Variants in GPC5 observed in about 807,000 individuals in gnomAD.
GPC5 encodes glypican 5.
In GPC5, 47 loss-of-function variants were observed where a neutral mutation model predicts 53.9. The ratio of observed to expected loss-of-function variants is 0.87; its 90% CI spans 0.69 to 1.11. The LOEUF (loss-of-function observed/expected upper bound fraction) is 1.11, where lower values mean the gene tolerates loss of function less well. Ranked by LOEUF, GPC5 falls within the 50% of genes most tolerant of loss-of-function variation. The pLI is 0.00. For synonymous variants in GPC5, 286 were observed against 263.3 expected (o/e 1.09, Z -0.84); for missense variants, 748 against 713.1 (o/e 1.05, Z -0.56).
intron 7 of GPC5, among the ~76,000 whole-genome samples, chr13:92,840,207 C>T (rs571545986): frequency 4.7e-5 from 7 of 150,054 alleles, no homozygotes; most frequent in South Asian, 4.2e-4. Context: ...TTGTAGGAGG[C>T]GACAGGATTC....
intron 7 of GPC5, among the ~76,000 whole-genome samples, chr13:92,782,898 T>C (rs1325052914): frequency 2.0e-5 from 3 of 152,170 alleles, no homozygotes; most frequent in Non-Finnish European, 2.9e-5. Flanking sequence ...CATATAGCTA[T>C]GGTTTCATTT....
intron 6 of GPC5, among the ~76,000 whole-genome samples, chr13:92,031,696 A>C (rs1252454423): frequency 1.0e-5 from 1 of 95,828 alleles, no homozygotes; most frequent in Non-Finnish European, 2.0e-5. Flanking sequence ...TAGTATATAT[A>C]ATATATTATA....
At chr13:92,265,615 C>G (rs539794570) in intron 7 of GPC5, among the ~76,000 whole-genome samples, 1 of 152,164 alleles carries the variant, frequency 6.6e-6, no homozygotes. Context: ...TCTGAACTCT[C>G]ACCAGAATCC....
chr13:92,659,756 G>C (rs1382505967), intron 7 of GPC5, among the ~76,000 whole-genome samples: 2 of 152,116 alleles, frequency 1.3e-5, no homozygotes, highest in Non-Finnish European at 2.9e-5. Flanking sequence ...CTTCTCAGAG[G>C]GTATGTAAGA....
At chr13:92,463,247 C>T (rs1878564558) in intron 7 of GPC5, among the ~76,000 whole-genome samples, 1 of 152,208 alleles carries the variant, frequency 6.6e-6, no homozygotes, top group South Asian at 2.1e-4. Flanking sequence ...GAAGGTGTTA[C>T]ATTTTCTTCT....
chr13:92,222,587 A>T (rs144121916), intron 7 of GPC5, among the ~76,000 whole-genome samples: 1 of 152,244 alleles, frequency 6.6e-6, no homozygotes, highest in East Asian at 1.9e-4. Context: ...TTTTCTTGCC[A>T]TCCTTAAGAT....
intron 7 of GPC5, among the ~76,000 whole-genome samples, chr13:92,263,253 G>C (rs1440039857): frequency 1.3e-5 from 2 of 152,116 alleles, no homozygotes; most frequent in African/African-American, 4.8e-5. Context: ...GTGAATAAAA[G>C]TTGTCACTTG....
chr13:91,475,284 A>T (rs1882864807), intron 2 of GPC5, among the ~76,000 whole-genome samples: 1 of 152,166 alleles, frequency 6.6e-6, no homozygotes, highest in Non-Finnish European at 1.5e-5. Flanking sequence ...AAATATATAC[A>T]CTTGAACACA....
chr13:91,789,152 G>A (rs1388190286), intron 5 of GPC5, among the ~76,000 whole-genome samples: 48 of 152,206 alleles, frequency 3.2e-4, no homozygotes, highest in African/African-American at 4.8e-5. Context: ...GGTGGAGGTT[G>A]CAGTGAGCCA....
At chr13:92,230,975 A>G (rs7336644) in intron 7 of GPC5, among the ~76,000 whole-genome samples, 35,467 of 152,162 alleles carry the variant, frequency 0.23, 4,374 homozygotes, top group African/African-American at 0.31. Context: ...GATAAATGCA[A>G]AGGCAGCAAG....
chr13:91,917,308 C>T (rs1198277786), intron 6 of GPC5, among the ~76,000 whole-genome samples: 2 of 152,226 alleles, frequency 1.3e-5, no homozygotes, highest in African/African-American at 4.8e-5. Context: ...CTATGTCTCA[C>T]ATCCAGGTCA....
At chr13:92,421,702 A>AAAAAAAT (rs1876577257) in intron 7 of GPC5, among the ~76,000 whole-genome samples, 1 of 149,394 alleles carries the variant, frequency 6.7e-6, no homozygotes, top group African/African-American at 2.5e-5. Context: ...CCGTCTCAAA[A>AAAAAAAT]AAAAAAAAAA....
chr13:91,485,011 T>C (rs1322086825), intron 2 of GPC5, among the ~76,000 whole-genome samples: 1 of 152,202 alleles, frequency 6.6e-6, no homozygotes, highest in African/African-American at 2.4e-5. Flanking sequence ...GAGAGCTTGT[T>C]AGAAATGCAG....
chr13:92,427,298 A>G (rs1181017823), intron 7 of GPC5, among the ~76,000 whole-genome samples: 3 of 149,418 alleles, frequency 2.0e-5, no homozygotes, highest in Non-Finnish European at 4.4e-5. Context: ...TTTGGTCTCC[A>G]TTGTTTTGCA....
chr13:91,722,481 C>G (rs2036495055), intron 3 of GPC5, among the ~76,000 whole-genome samples: 2 of 152,136 alleles, frequency 1.3e-5, no homozygotes, highest in African/African-American at 2.4e-5. Flanking sequence ...GAATGAAATG[C>G]AGAAGCGCCC....
intron 2 of GPC5, among the ~76,000 whole-genome samples, chr13:91,671,780 C>CAAAAAAA (rs55758033): frequency 0.035 from 1,162 of 33,176 alleles, 13 homozygotes; most frequent in Non-Finnish European, 0.042. Flanking sequence ...CAATCTGAAG[C>CAAAAAAA]AAAAAAAAAA....
At chr13:91,544,088 C>T (rs1380946724) in intron 2 of GPC5, among the ~76,000 whole-genome samples, 2 of 151,734 alleles carry the variant, frequency 1.3e-5, no homozygotes, top group African/African-American at 2.4e-5. Flanking sequence ...CAGTCTGATG[C>T]ATTGCCTGTT....
intron 7 of GPC5, chr13:92,490,251 G>A (rs913564673): frequency 6.5e-6 from 1 of 154,104 alleles, no homozygotes; most frequent in Admixed American, 6.6e-5. Context: ...TCTCATTATC[G>A]TCTAGATTCT....
At chr13:91,544,898 G>A (rs901082025) in intron 2 of GPC5, among the ~76,000 whole-genome samples, 1 of 152,132 alleles carries the variant, frequency 6.6e-6, no homozygotes, top group Non-Finnish European at 1.5e-5. Flanking sequence ...GGAGCTGGAG[G>A]GTCTGCTTCC....
Sources: gnomAD v4.1 joint callset for allele counts (sites outside exome capture counted in the v4.1 genomes callset) on GRCh38, gnomAD v4.1.1 for gene constraint, MANE v1.5 for transcripts, NCBI Gene and HGNC (gene_info 2026-07-23, HGNC 2026-07-21) for gene names.